Variants in INO80 observed in about 807,000 individuals in gnomAD.
INO80 encodes the protein chromatin-remodeling ATPase INO80.
A neutral mutation model predicts 203.4 loss-of-function variants in INO80; 20 were observed. The ratio of observed to expected loss-of-function variants is 0.10; its 90% CI spans 0.07 to 0.14. The LOEUF (loss-of-function observed/expected upper bound fraction) is 0.14. Ranked by LOEUF, INO80 falls within the 10% of genes least tolerant of loss-of-function variation. The probability of loss-of-function intolerance (pLI) is 1.00; values close to 1 mark genes in which losing one functional copy is unlikely to be tolerated. For missense variants in INO80, 1,419 were observed against 1,914.4 expected, an observed-to-expected ratio of 0.74 and a Z score of 4.83; for synonymous variants, 726 against 685.2, an observed-to-expected ratio of 1.06 and a Z score of -0.93.
chr15:41,046,681 G>C (rs1397739575), intron 23 of INO80, among the ~76,000 whole-genome samples: 1 of 152,032 alleles, frequency 6.6e-6, no homozygotes, highest in South Asian at 2.1e-4. Context: ...GCAGTGGAGC[G>C]ATCTTGACTC....
At chr15:41,019,621 A>G (rs1296513389) in intron 26 of INO80, 3 of 152,328 alleles carry the variant, frequency 2.0e-5, no homozygotes, top group Non-Finnish European at 4.4e-5. Context: ...GGGATTCTGT[A>G]GTTTCCTTAC....
intron 27 of INO80, among the ~76,000 whole-genome samples, chr15:41,014,770 A>AT (rs998676373): frequency 2.2e-4 from 33 of 152,290 alleles, no homozygotes; most frequent in African/African-American, 7.2e-4. Flanking sequence ...TTTCAGATAA[A>AT]TTCATTGCAA....
chr15:41,021,189 G>A (rs1181774780), intron 25 of INO80, 64 bp from the exon 26 acceptor site: 2 of 1,130,634 alleles, frequency 1.8e-6, no homozygotes, highest in Non-Finnish European at 2.7e-6. Flanking sequence ...TGCCTTTTGG[G>A]AACCTCAACT....
intron 27 of INO80, among the ~76,000 whole-genome samples, chr15:41,013,688 T>G (rs981688872): frequency 6.6e-6 from 1 of 152,190 alleles, no homozygotes; most frequent in African/African-American, 2.4e-5. Context: ...ATGAATAAAC[T>G]TTAAGAAATT....
At chr15:41,081,137 G>C in intron 7 of INO80, 64 bp from the exon 8 acceptor site, 1 of 1,038,246 alleles carries the variant, frequency 9.6e-7, no homozygotes. Flanking sequence ...TATGTAGAAT[G>C]AACAGTCTTT....
intron 28 of INO80, among the ~76,000 whole-genome samples, chr15:41,002,240 G>A (rs1467885263): frequency 6.6e-6 from 1 of 152,174 alleles, no homozygotes; most frequent in African/African-American, 2.4e-5. Context: ...GCTCAAGCAA[G>A]ATTTCCTAAT....
At chr15:41,017,757 C>G (rs1419002431) in intron 26 of INO80, 6 of 152,328 alleles carry the variant, frequency 3.9e-5, no homozygotes, top group Admixed American at 3.3e-4. Context: ...TCTCCTTCCA[C>G]CACCCGCTCC....
Position 41,050,090 on chromosome 15 carries a change from T to G in INO80, c.2287A>C (p.Met763Leu), listed in dbSNP as rs1178121683. 26 of 1,603,688 alleles carry G rather than the reference T, an allele frequency of 1.6e-5. No individual in the cohort carries two copies. Among genetic ancestry groups the G allele is most frequent in the African/African-American group, 2.7e-5 (2 of 74,510 alleles). ...TGTCGGCTGGTCAGTTGGCAATACA[T>G]TAGAATCTCAATCTAAAAATCAATA... The part of the protein sequence containing the change: ...NELSDKIEIL[M>L]YCQLTSRQKL... The change falls in exon 20 of 36, where the codon ATG (methionine) becomes CTG (leucine). Residue 763 changes from methionine (M) to leucine (L), a missense_variant. Around this residue, in one of 9 missense-constraint regions of INO80, gnomAD observed 192 missense variants for 406.7 expected, o/e 0.47. Coordinates refer to ENST00000648947, the MANE Select transcript of INO80 (RefSeq NM_017553.3).
At chr15:41,051,730 G>A (rs1302814655) in intron 19 of INO80, among the ~76,000 whole-genome samples, 1 of 152,078 alleles carries the variant, frequency 6.6e-6, no homozygotes, top group Non-Finnish European at 1.5e-5. Context: ...CGAGGTGGGT[G>A]GATCACGAAG....
intron 4 of INO80, among the ~76,000 whole-genome samples, chr15:41,093,546 A>C (rs2045676543): frequency 6.6e-6 from 1 of 152,150 alleles, no homozygotes; most frequent in African/African-American, 2.4e-5. Flanking sequence ...AATACACGAA[A>C]AACTACTAAA....
intron 6 of INO80, among the ~76,000 whole-genome samples, chr15:41,087,167 G>T (rs1323881652): frequency 6.6e-6 from 1 of 151,574 alleles, no homozygotes; most frequent in East Asian, 1.9e-4. Flanking sequence ...CAGCTGTACT[G>T]AATATGTACA....
In INO80 at chr15:41,045,057, C is replaced by T. The variant is rs747348583; in HGVS notation, c.2754G>A (p.Leu918=). 6.2e-7 allele frequency: 1 copy of T among 1,605,468 alleles called. No individual in the cohort carries two copies. The highest frequency in any genetic ancestry group is 1.8e-5 in the Admixed American group (1 of 57,030). The change falls in exon 24 of 36, where the codon CTG becomes CTA. Residue 918 remains leucine, a synonymous_variant. Transcript: ENST00000648947. ...GGAGCCTGTAGGAGGCTTTCAGAGA[C>T]AGGAAAAGAGCTAACCATCTGAAAC... ...GLLARWLALF[L]SLKASYRLHQ...
intron 27 of INO80, among the ~76,000 whole-genome samples, chr15:41,007,553 C>T (rs1476186352): frequency 6.6e-6 from 1 of 151,880 alleles, no homozygotes; most frequent in African/African-American, 2.4e-5. Context: ...GTAAATTTTG[C>T]TGTTTATATA....
intron 27 of INO80, among the ~76,000 whole-genome samples, chr15:41,011,988 A>G (rs960880592): frequency 6.6e-6 from 1 of 152,244 alleles, no homozygotes; most frequent in African/African-American, 2.4e-5. Flanking sequence ...TAAGCTGATT[A>G]ACTCTTTCCA....
intron 34 of INO80, 141 bp from the exon 35 acceptor site, chr15:40,983,218 T>C (rs1027809476): frequency 4.8e-6 from 3 of 624,932 alleles, no homozygotes; most frequent in Non-Finnish European, 8.4e-6. Context: ...ATGTCTCCAC[T>C]TAATGATGGC....
Position 41,096,303 on chromosome 15 carries a change from G to A in INO80, c.8C>T (p.Ser3Leu), listed in dbSNP as rs778045274. 14 of 1,593,916 alleles carry A rather than the reference G, an allele frequency of 8.8e-6. No homozygotes were observed. The highest frequency in any genetic ancestry group is 1.7e-4 in the Middle Eastern group (1 of 5,962). Residue 3 changes from serine (S) to leucine (L), a missense_variant, in exon 2 of 36, where the codon TCG becomes TTG. Ser to Leu is a moderately radical substitution (Grantham distance 145). Coordinates refer to ENST00000648947, the MANE Select transcript of INO80 (RefSeq NM_017553.3). ...TCCATCATCCCTGGCACCCAACTCCGAGGCCATAGAACAAATCTGTCTTCA... is the reference window on the plus strand; with the variant it reads ...TCCATCATCCCTGGCACCCAACTCCAAGGCCATAGAACAAATCTGTCTTCA... MA[S>L]ELGARDDGGC... is the part of the protein sequence containing the mutation.
chr15:41,020,436 G>A (rs1006462146), intron 26 of INO80, among the ~76,000 whole-genome samples: 2 of 152,086 alleles, frequency 1.3e-5, no homozygotes, highest in African/African-American at 4.8e-5. Context: ...AGGGGATCTG[G>A]GAATCTGCTA....
intron 24 of INO80, among the ~76,000 whole-genome samples, chr15:41,028,271 G>C (rs998168228): frequency 6.6e-6 from 1 of 151,966 alleles, no homozygotes; most frequent in Non-Finnish European, 1.5e-5. Context: ...GAGTAGTTGC[G>C]ACTACAGGCG....
chr15:40,989,445 A>G (rs1261433421), intron 29 of INO80, among the ~76,000 whole-genome samples: 1 of 152,210 alleles, frequency 6.6e-6, no homozygotes, highest in Non-Finnish European at 1.5e-5. Flanking sequence ...AATGGCCCTC[A>G]TATCTCATGT....
Sources: gnomAD v4.1 joint callset for allele counts (sites outside exome capture counted in the v4.1 genomes callset) on GRCh38, gnomAD v4.1.1 for gene constraint, gnomAD v4.1.1 regional missense constraint, MANE v1.5 for transcripts, NCBI Gene and HGNC (gene_info 2026-07-23, HGNC 2026-07-21) for gene names.